Variants in SMPDL3B observed in about 807,000 individuals in gnomAD.
SMPDL3B encodes acid sphingomyelinase-like phosphodiesterase 3b.
SMPDL3B carries 31 observed loss-of-function variants against 37.9 expected under a neutral mutation model. That is an observed-to-expected ratio of 0.82 (90% CI 0.61 to 1.10). SMPDL3B has a LOEUF of 1.10. Ranked by LOEUF, SMPDL3B falls within the 50% of genes least tolerant of loss-of-function variation. SMPDL3B has a pLI of 0.00. For synonymous variants in SMPDL3B, 235 were observed against 242.6 expected (o/e 0.97, Z 0.29); for missense variants, 525 against 597.8 (o/e 0.88, Z 1.27).
In SMPDL3B at chr1:27,945,121, T is replaced by C; in HGVS notation, c.62-111T>C. On this transcript the variant is annotated intron_variant, in intron 1 of 7. Transcript: ENST00000373894. This position sits in a 1 kb window ranked among gnomAD's most constrained non-coding sequence, Gnocchi z 4.0. ...TGAACCCGGGGTGCTCAGAGAAGAC[T>C]TCCATTTGCCTGTGTAACGCCCCTG... 1 of 977,512 alleles carries C rather than the reference T, an allele frequency of 1.0e-6. No individual in the cohort carries two copies. Among genetic ancestry groups the C allele is most frequent in the Non-Finnish European group, 1.6e-6 (1 of 632,990 alleles). 60.6% of individuals were successfully genotyped at this position (977,512 alleles called of 1,614,324 possible). A position where few individuals can be genotyped will look rare whatever the true frequency, so the allele number is the denominator to read the frequency against.
intron 7 of SMPDL3B, 199 bp downstream of exon 7, chr1:27,956,281 C>T (rs1638272556): frequency 1.3e-5 from 19 of 1,517,122 alleles, no homozygotes; most frequent in South Asian, 3.9e-5. Flanking sequence ...CACCAAGTCA[C>T]CTTTTCCCCT....
At chr1:27,941,863 A>G (rs899171777) in intron 1 of SMPDL3B, among the ~76,000 whole-genome samples, 1 of 152,176 alleles carries the variant, frequency 6.6e-6, no homozygotes, top group African/African-American at 2.4e-5. Flanking sequence ...CACTCCCACA[A>G]TGAGGAGGCT....
chr1:27,942,217 A>G (rs1370531092), intron 1 of SMPDL3B: 1 of 453,628 alleles, frequency 2.2e-6, no homozygotes, highest in African/African-American at 2.0e-5. Context: ...CAGTGTTTGT[A>G]GTTAACTGAG....
At chr1:27,949,331 G>A (rs546970328) in intron 3 of SMPDL3B, among the ~76,000 whole-genome samples, 169 bp downstream of exon 3, 11 of 152,260 alleles carry the variant, frequency 7.2e-5, no homozygotes, top group Admixed American at 2.6e-4. Context: ...TAACAAGCCC[G>A]AAGGCAACAT....
intron 7 of SMPDL3B, chr1:27,956,452 A>T: frequency 7.9e-7 from 1 of 1,263,878 alleles, no homozygotes; most frequent in Non-Finnish European, 1.0e-6. Flanking sequence ...AGTGCCTTCA[A>T]GATAAAGTTG....
chr1:27,953,076 G>A (rs776960369), intron 3 of SMPDL3B, 139 bp from the exon 4 acceptor site: 24 of 637,782 alleles, frequency 3.8e-5, no homozygotes, highest in Non-Finnish European at 5.7e-5. Context: ...ATCAAATGTG[G>A]GTTTCCTATC....
rs1638356646 is a variant in SMPDL3B at position 27,958,360 on chromosome 1, AACT to A, written c.1006-111_1006-109del. 3 of 1,371,524 alleles carry A rather than the reference AACT, an allele frequency of 2.2e-6. No individual in the cohort carries two copies. The highest frequency in any genetic ancestry group is 3.0e-6 in the Non-Finnish European group (3 of 1,011,866). The allele number at this position is 1,371,524 out of a possible 1,614,324, so 85.0% of individuals were successfully genotyped here. ...ATGGGTGCACAGCTAAGTGCTCAAT[AACT>A]ACTAGTGGTCATGGTCACTGCTCTA... On this transcript the variant is annotated intron_variant, in intron 7 of 7. Transcript: ENST00000373894. The surrounding 1 kb of genome is among the most constrained non-coding windows in gnomAD (Gnocchi z 5.6).
chr1:27,950,666 G>A (rs1462010890), intron 3 of SMPDL3B, among the ~76,000 whole-genome samples: 1 of 151,962 alleles, frequency 6.6e-6, no homozygotes, highest in Non-Finnish European at 1.5e-5. Context: ...GTCTTGCTCC[G>A]TCGCCCAAGC....
intron 7 of SMPDL3B, among the ~76,000 whole-genome samples, chr1:27,956,871 G>A (rs1638298790): frequency 6.6e-6 from 1 of 152,082 alleles, no homozygotes; most frequent in Non-Finnish European, 1.5e-5. Context: ...AAGGGGAAGT[G>A]TCCACATAAG....
rs751262851 is a variant in SMPDL3B, at chr1:27,958,709, C to T, written c.1239C>T (p.His413=). 5.0e-6 allele frequency: 8 copies of T among 1,613,760 alleles called. No homozygotes were observed. Among genetic ancestry groups the T allele is most frequent in the African/African-American group, 4.0e-5 (3 of 74,948 alleles). Residue 413 remains histidine (H), a synonymous_variant, in exon 8 of 8, where the codon CAC becomes CAT. Transcript: ENST00000373894. The surrounding 1 kb of genome is among the most constrained non-coding windows in gnomAD (Gnocchi z 5.6). ...GVCDEACSMQ[H]VCAMRQVDID... is the part of the protein sequence containing the mutation. ...GCGACGAGGCCTGCAGCATGCAGCA[C>T]GTGTGTGCCATGCGCCAGGTGGACA...
Position 27,945,184 on chromosome 1 carries a change from G to C in SMPDL3B, c.62-48G>C. 6.3e-7 allele frequency: 1 copy of C among 1,592,970 alleles called. No homozygotes were observed. The highest frequency in any genetic ancestry group is 1.1e-5 in the South Asian group (1 of 90,184). On this transcript the variant is annotated intron_variant, in intron 1 of 7. Coordinates refer to ENST00000373894, the MANE Select transcript of SMPDL3B (RefSeq NM_014474.4). The surrounding 1 kb of genome is among the most constrained non-coding windows in gnomAD (Gnocchi z 4.0). ...GCTCCCCTGGACTTCCTTGCTTCCA[G>C]GCTGAGAGAGAGACCAGCTTTGAAG...
Position 27,959,129 on chromosome 1 carries a change from A to C in SMPDL3B, c.*291A>C. 2.8e-6 allele frequency: 1 copy of C among 358,222 alleles called. No homozygotes were observed. 22.2% of individuals were successfully genotyped at this position (358,222 alleles called of 1,614,324 possible). A position where few individuals can be genotyped will look rare whatever the true frequency, so the allele number is the denominator to read the frequency against. On this transcript the variant is annotated 3_prime_UTR_variant, in exon 8 of 8. Coordinates refer to ENST00000373894, the MANE Select transcript of SMPDL3B (RefSeq NM_014474.4). The stretch of plus-strand genomic sequence containing the variant: ...TTTTGCGTATTATGTTTAACTCACA[A>C]AACAAAGCTCATCATGCGTTTGATT...
At chr1:27,941,911 A>G (rs1019444713) in intron 1 of SMPDL3B, among the ~76,000 whole-genome samples, 12 of 152,092 alleles carry the variant, frequency 7.9e-5, no homozygotes, top group Non-Finnish European at 1.6e-4. Context: ...CTGGACCCCA[A>G]GGAGGTGGAG....
chr1:27,954,537 C>T lies in SMPDL3B; in HGVS notation c.690+11C>T. 6.2e-7 allele frequency: 1 copy of T among 1,611,784 alleles called. No homozygotes were observed. The highest frequency in any genetic ancestry group is 1.7e-5 in the Admixed American group (1 of 59,862). On this transcript the variant is annotated intron_variant, in intron 5 of 7. Transcript: ENST00000373894. ...AAAGCTGGGGACATGGTAAGAGGCC[C>T]TGCTTCTTTCTTTTCTCATCTGGGG...
At position 27,954,397 on chromosome 1, in the gene SMPDL3B, G is replaced by C. The variant is rs2090480676; in HGVS notation, c.561G>C (p.Gly187=). ...AGCTGCCGGGTCCCAGCGGGGCTGG[G>C]CGAATTGTGGTCCTCAACACCAATC... ...CEKLPGPSGA[G]RIVVLNTNLY... Residue 187 remains glycine, a synonymous_variant, in exon 5 of 8, where the codon GGG becomes GGC. Transcript: ENST00000373894. 1.9e-6 allele frequency: 3 copies of C among 1,614,082 alleles called. No homozygotes were observed. The highest frequency in any genetic ancestry group is 8.5e-7 in the Non-Finnish European group (1 of 1,180,018).
intron 4 of SMPDL3B, 68 bp downstream of exon 4, chr1:27,953,426 A>G (rs1282800253): frequency 7.4e-6 from 10 of 1,346,336 alleles, no homozygotes; most frequent in Admixed American, 6.8e-5. Flanking sequence ...CGTCTTCACA[A>G]CAACCTCTTA....
chr1:27,941,414 C>T (rs1467316918), intron 1 of SMPDL3B: 1 of 152,252 alleles, frequency 6.6e-6, no homozygotes, highest in African/African-American at 2.4e-5. Flanking sequence ...TCTAACTGGC[C>T]TCCCCACAGC....
At position 27,958,450 on chromosome 1, in the gene SMPDL3B, C is replaced by T. The variant is rs376772056; in HGVS notation, c.1006-26C>T. 1.7e-5 allele frequency: 26 copies of T among 1,572,316 alleles called. No homozygotes were observed. Among genetic ancestry groups the T allele is most frequent in the African/African-American group, 5.4e-5 (4 of 74,218 alleles). On this transcript the variant is annotated intron_variant, in intron 7 of 7. Coordinates refer to ENST00000373894, the MANE Select transcript of SMPDL3B (RefSeq NM_014474.4). This position sits in a 1 kb window ranked among gnomAD's most constrained non-coding sequence, Gnocchi z 5.6. Reference sequence around the variant, plus strand: ...ATGGAAGCAGACAACTGCTCACAGCCGGTCTACCCCAAACCCTTTTTCCAG... The same window carrying T: ...ATGGAAGCAGACAACTGCTCACAGCTGGTCTACCCCAAACCCTTTTTCCAG...
intron 7 of SMPDL3B, chr1:27,956,546 C>T (rs1346553948): frequency 4.2e-5 from 44 of 1,041,102 alleles, no homozygotes; most frequent in Admixed American, 9.9e-5. Context: ...GACGAGGCTC[C>T]AGCCCCTAAT....
Sources: allele counts gnomAD v4.1 joint callset (sites outside exome capture counted in the v4.1 genomes callset), GRCh38; gene constraint gnomAD v4.1.1; non-coding constraint Gnocchi (gnomAD v3.1); transcripts MANE v1.5; gene names NCBI Gene and HGNC (gene_info 2026-07-23, HGNC 2026-07-21).